The following SH3GL3 variants were observed in gnomAD, a reference collection of about 807,000 sequenced individuals.
SH3GL3 encodes SH3 domain containing GRB2 like 3, endophilin A3.
A neutral mutation model predicts 47.7 loss-of-function variants in SH3GL3; 33 were observed. The observed-to-expected ratio is 0.69, with a 90% CI of 0.52 to 0.92. SH3GL3 has a LOEUF of 0.92. Ranked by LOEUF, SH3GL3 falls within the 40% of genes least tolerant of loss-of-function variation. The probability of loss-of-function intolerance (pLI) is 0.00; values close to 1 mark genes in which losing one functional copy is unlikely to be tolerated. For missense variants in SH3GL3, 363 were observed against 417.8 expected (o/e 0.87, Z 1.14); for synonymous variants, 155 against 148.8 (o/e 1.04, Z -0.30).
chr15:83,559,176 C>T, intron 1 of SH3GL3, 77 bp from the exon 2 acceptor site: 1 of 862,432 alleles, frequency 1.2e-6, no homozygotes, highest in Admixed American at 2.5e-5. Flanking sequence ...TTTTTTGTTT[C>T]TGTTTTTAAT....
At chr15:83,472,910 C>T (rs1314478756) in intron 1 of SH3GL3, among the ~76,000 whole-genome samples, 5 of 152,164 alleles carry the variant, frequency 3.3e-5, no homozygotes, top group Admixed American at 1.3e-4. Flanking sequence ...AGTCTCCTCT[C>T]AGACTTCACT....
chr15:83,543,887 T>A (rs1363511645), intron 1 of SH3GL3, among the ~76,000 whole-genome samples: 1 of 152,116 alleles, frequency 6.6e-6, no homozygotes, highest in African/African-American at 2.4e-5. Context: ...CCTGATTTTA[T>A]TTATTTGGGT....
At position 83,603,772 on chromosome 15, in the gene SH3GL3, G is replaced by C. The variant is rs1233114264; in HGVS notation, c.839-14310G>C. The stretch of plus-strand genomic sequence containing the variant: ...TCACCTTCTTTCTTTAGAGCTACTG[G>C]TATATGGTCTGCTTTAAGAGTTATT... On this transcript the variant is annotated intron_variant, in intron 8 of 8. Coordinates refer to ENST00000427482, the MANE Select transcript of SH3GL3 (RefSeq NM_003027.5). Among the ~76,000 whole-genome samples the C allele has an allele frequency of 2.0e-5, 3 of 152,164 alleles. No individual in the cohort carries two copies. In the East Asian group the frequency reaches 5.8e-4, roughly 29 times the overall value.
chr15:83,529,130 G>T (rs1218380725), intron 1 of SH3GL3, among the ~76,000 whole-genome samples: 1 of 152,188 alleles, frequency 6.6e-6, no homozygotes. Flanking sequence ...TGGATGCTGT[G>T]GTGATGCTTT....
chr15:83,623,337 A>G (rs1350779528), downstream of SH3GL3, among the ~76,000 whole-genome samples: 3 of 152,200 alleles, frequency 2.0e-5, no homozygotes, highest in South Asian at 4.1e-4. Flanking sequence ...GTAGCTCTTC[A>G]GGTCTCAGCT....
intron 5 of SH3GL3, among the ~76,000 whole-genome samples, chr15:83,575,454 C>G (rs140322797): frequency 1.8e-3 from 270 of 152,314 alleles, no homozygotes; most frequent in Non-Finnish European, 3.1e-3. Flanking sequence ...TGATACAGAA[C>G]TGTAAATCTA....
At chr15:83,509,896 C>T (rs2042673468) in intron 1 of SH3GL3, among the ~76,000 whole-genome samples, 1 of 152,174 alleles carries the variant, frequency 6.6e-6, no homozygotes, top group Non-Finnish European at 1.5e-5. Flanking sequence ...AACCAAAACA[C>T]TGCGCAAATA....
Position 83,477,149 on chromosome 15 carries a change from G to A in SH3GL3, c.45+29571G>A, listed in dbSNP as rs2041138220. Among the ~76,000 whole-genome samples, 4 of 152,136 alleles carry A rather than the reference G, an allele frequency of 2.6e-5. No homozygotes were observed. The South Asian group carries it at 6.2e-4, about 24-fold the overall frequency. The stretch of plus-strand genomic sequence containing the variant: ...ACTGTGGTATGTTTGCTTGGATGGG[G>A]ACTCTCATTTACTTGGAGGGAGGAA... On this transcript the variant is annotated intron_variant, in intron 1 of 8. Transcript: ENST00000427482.
At chr15:83,551,321 G>A (rs1247644774) in intron 1 of SH3GL3, among the ~76,000 whole-genome samples, 2 of 152,194 alleles carry the variant, frequency 1.3e-5, no homozygotes, top group African/African-American at 2.4e-5. Context: ...AAGAACACAC[G>A]AGCCACATTG....
chr15:83,458,695 C>T (rs753627190), intron 1 of SH3GL3, among the ~76,000 whole-genome samples: 6 of 152,188 alleles, frequency 3.9e-5, no homozygotes, highest in Admixed American at 6.5e-5. Context: ...GTGGAAGACA[C>T]ACCTGGCTAG....
At chr15:83,621,980 T>TACACAC (rs142805476), downstream of SH3GL3, among the ~76,000 whole-genome samples, 27,840 of 151,342 alleles carry the variant, frequency 0.18, 2,738 homozygotes, top group African/African-American at 0.26. Context: ...CAGCCAGCTA[T>TACACAC]ACACACACAC....
At position 83,516,896 on chromosome 15, in the gene SH3GL3, T is replaced by G. The variant is rs577879053; in HGVS notation, c.46-42357T>G. On this transcript the variant is annotated intron_variant, in intron 1 of 8. Coordinates refer to ENST00000427482, the MANE Select transcript of SH3GL3 (RefSeq NM_003027.5). ...ATCGTATCTTTTGTGTTTGACTCTT[T>G]CAGTCAACATTTTTTTTTTTAAAGA... 5.9e-5 allele frequency among the ~76,000 whole-genome samples: 9 copies of G among 152,304 alleles called. No individual in the cohort carries two copies. The South Asian group carries it at 1.7e-3, about 28-fold the overall frequency.
chr15:83,523,243 C>G (rs750890200), intron 1 of SH3GL3, among the ~76,000 whole-genome samples: 2 of 152,142 alleles, frequency 1.3e-5, no homozygotes, highest in Non-Finnish European at 2.9e-5. Context: ...TGCTGCAATA[C>G]AAATGACATC....
intron 4 of SH3GL3, among the ~76,000 whole-genome samples, chr15:83,572,082 T>C (rs12913279): frequency 0.058 from 8,905 of 152,256 alleles, 363 homozygotes; most frequent in Middle Eastern, 0.095. Flanking sequence ...TAGAACCTTC[T>C]AGAAGGATAC....
At chr15:83,588,792 T>C (rs774480298) in intron 8 of SH3GL3, 21 bp downstream of exon 8, 12 of 1,262,414 alleles carry the variant, frequency 9.5e-6, no homozygotes, top group Middle Eastern at 1.8e-4. Context: ...CATTCTAATA[T>C]GCTAAGTGTG....
At chr15:83,507,037 G>T (rs934621363) in intron 1 of SH3GL3, among the ~76,000 whole-genome samples, 1 of 150,488 alleles carries the variant, frequency 6.6e-6, no homozygotes, top group Non-Finnish European at 1.5e-5. Context: ...ACGGAGTCTT[G>T]CTCTGTCACC....
At chr15:83,457,537 G>A in intron 1 of SH3GL3, among the ~76,000 whole-genome samples, 1 of 152,184 alleles carries the variant, frequency 6.6e-6, no homozygotes, top group East Asian at 1.9e-4. Context: ...TGGCCATTTA[G>A]GGGTAAATGC....
At chr15:83,464,821 C>A (rs1413557071) in intron 1 of SH3GL3, among the ~76,000 whole-genome samples, 1 of 152,012 alleles carries the variant, frequency 6.6e-6, no homozygotes, top group African/African-American at 2.4e-5. Context: ...AATTTCCAGA[C>A]CAGCTACAAT....
intron 1 of SH3GL3, among the ~76,000 whole-genome samples, chr15:83,519,558 C>A (rs117092091): frequency 0.014 from 2,083 of 152,204 alleles, 23 homozygotes; most frequent in South Asian, 0.026. Context: ...GTTCTAGGAG[C>A]CTTTTGGTGG....
Sources: allele counts gnomAD v4.1 joint callset (sites outside exome capture counted in the v4.1 genomes callset), GRCh38; gene constraint gnomAD v4.1.1; transcripts MANE v1.5; gene names NCBI Gene and HGNC (gene_info 2026-07-23, HGNC 2026-07-21).